Variants in POLG observed in about 807,000 individuals in gnomAD.
POLG encodes the protein DNA polymerase subunit gamma-1.
POLG carries 110 observed loss-of-function variants against 155.4 expected under a neutral mutation model. The ratio of observed to expected loss-of-function variants is 0.71; its 90% CI spans 0.61 to 0.83. The LOEUF is 0.83. POLG is among the 40% of genes least tolerant of loss of function. POLG has a pLI of 0.00. For missense variants in POLG, 1,685 were observed against 1,627.5 expected, an observed-to-expected ratio of 1.04 and a Z score of -0.61; for synonymous variants, 701 against 631.5, an observed-to-expected ratio of 1.11 and a Z score of -1.65.
Position 89,322,044 on chromosome 15 carries a change from C to A in POLG, c.2427-29G>T, listed in dbSNP as rs1359734664. On this transcript the variant is annotated intron_variant, in intron 14 of 22. Coordinates refer to ENST00000268124, the MANE Select transcript of POLG (RefSeq NM_002693.3). Reference sequence around the variant, plus strand: ...TGGGGACAGACAACGTGAGGCTCAGCACAGCCATGGGAAGCAGAATCTATC... The same window carrying A: ...TGGGGACAGACAACGTGAGGCTCAGAACAGCCATGGGAAGCAGAATCTATC... 8 of 1,611,160 alleles carry A rather than the reference C, an allele frequency of 5.0e-6. No individual in the cohort carries two copies. The African/African-American group carries it at 1.1e-4, about 22-fold the overall frequency.
Position 89,318,976 on chromosome 15 carries a change from G to C in POLG, c.3228C>G (p.Gly1076=), listed in dbSNP as rs777893046. The part of the protein sequence containing the change: ...TSDIPRTPVL[G]CCISRALEPS... ...GCTCCAGGGCTCGGCTGATGCAGCA[G>C]CCCAGCACCGGGGTACGTGGTATGT... Residue 1076 remains glycine, a synonymous_variant, in exon 20 of 23, where the codon GGC becomes GGG. Coordinates refer to ENST00000268124, the MANE Select transcript of POLG (RefSeq NM_002693.3). 6.2e-7 allele frequency: 1 copy of C among 1,614,142 alleles called. No homozygotes were observed. The highest frequency in any genetic ancestry group is 1.7e-5 in the Admixed American group (1 of 60,026).
chr15:89,333,336 C>G lies in POLG; in HGVS notation c.419G>C (p.Arg140Pro). ...LYGDNLDQHF[R>P]LLAQKQSLPY... is the part of the protein sequence containing the mutation. Reference sequence around the variant, plus strand: ...CAGGCTCTGCTTCTGGGCCAGGAGGCGGAAGTGCTGGTCCAGGTTGTCCCC... The same window carrying G: ...CAGGCTCTGCTTCTGGGCCAGGAGGGGGAAGTGCTGGTCCAGGTTGTCCCC... Residue 140 changes from arginine to proline, a missense_variant, in exon 2 of 23, where the codon CGC becomes CCC. Arg to Pro is a moderately radical substitution (Grantham distance 103). Around this residue, in one of 3 missense-constraint regions of POLG, gnomAD observed 1,210 missense variants for 1,167.1 expected, o/e 1.04. Coordinates refer to ENST00000268124, the MANE Select transcript of POLG (RefSeq NM_002693.3). 6.4e-7 allele frequency: 1 copy of G among 1,561,910 alleles called. No homozygotes were observed. The highest frequency in any genetic ancestry group is 1.2e-5 in the South Asian group (1 of 86,704).
At chr15:89,323,160 A>G (rs910874369) in intron 13 of POLG, among the ~76,000 whole-genome samples, 3 of 152,234 alleles carry the variant, frequency 2.0e-5, no homozygotes, top group Non-Finnish European at 4.4e-5. Context: ...CACGTACCAG[A>G]TGTCGTACCA....
Position 89,316,824 on chromosome 15 carries a change from T to C in POLG, c.3647A>G (p.Glu1216Gly), listed in dbSNP as rs2055282791. 10 of 1,612,918 alleles carry C rather than the reference T, an allele frequency of 6.2e-6. No homozygotes were observed. Among genetic ancestry groups the C allele is most frequent in the Non-Finnish European group, 8.5e-6 (10 of 1,179,006 alleles). Residue 1216 changes from glutamate (E) to glycine (G), a missense_variant, in exon 23 of 23, where the codon GAA (glutamate) becomes GGA (glycine). Glu to Gly is a moderately conservative substitution (Grantham distance 98). This residue lies in a region of POLG where 470 missense variants were observed against 439.9 expected (regional missense o/e 1.07). Coordinates refer to ENST00000268124, the MANE Select transcript of POLG (RefSeq NM_002693.3). ...MERRYGIPQG[E>G]ALDIYQIIEL... ...AATTATCTGGTAAATATCCAGCGCT[T>C]CACCTGAAAGATAGTGCAAATTGGT...
Position 89,333,813 on chromosome 15 carries a change from G to C in POLG, c.-59C>G. On this transcript the variant is annotated 5_prime_UTR_variant, in exon 2 of 23. Coordinates refer to ENST00000268124, the MANE Select transcript of POLG (RefSeq NM_002693.3). ...AACACCTGGCTTTGGGCTCCAGCTT[G>C]GCTTCTTTTACTGGCTGGAAGACGT... is the stretch of plus-strand genomic sequence containing the variant. The C allele has an allele frequency of 6.5e-7, 1 of 1,529,236 alleles. No homozygotes were observed. Among genetic ancestry groups the C allele is most frequent in the South Asian group, 1.2e-5 (1 of 83,910 alleles). The allele number at this position is 1,529,236 out of a possible 1,614,324, so 94.7% of individuals were successfully genotyped here. A position where few individuals can be genotyped will look rare whatever the true frequency, so the allele number is the denominator to read the frequency against.
intron 5 of POLG, 49 bp downstream of exon 5, chr15:89,328,636 T>A: frequency 6.2e-7 from 1 of 1,612,886 alleles, no homozygotes; most frequent in Non-Finnish European, 8.5e-7. Context: ...CAAGTGCAGC[T>A]AGGGGTGTGC....
At chr15:89,320,352 T>C (rs1224375197) in intron 18 of POLG, among the ~76,000 whole-genome samples, 3 of 152,148 alleles carry the variant, frequency 2.0e-5, no homozygotes, top group African/African-American at 7.2e-5. Flanking sequence ...GGTAATGCTT[T>C]CTCCAGTATC....
rs1567189847 is a variant in POLG, at chr15:89,325,219, TGAGAGAGTGAGTGAGA to T, written c.1949+215_1949+230del. ...GAGAGTGAGTGAGAGAGTGAGTGAG[TGAGAGAGTGAGTGAGA>T]GAGTGAGTGAGTGAGAGAGAGAGTG... is the stretch of plus-strand genomic sequence containing the variant. On this transcript the variant is annotated intron_variant, in intron 10 of 22. Coordinates refer to ENST00000268124, the MANE Select transcript of POLG (RefSeq NM_002693.3). Among the ~76,000 whole-genome samples, 37 of 40,256 alleles carry T rather than the reference TGAGAGAGTGAGTGAGA, an allele frequency of 9.2e-4. 6 individuals carry two copies. The highest frequency in any genetic ancestry group is 3.8e-3 in the African/African-American group (37 of 9,824). 26.4% of individuals were successfully genotyped at this position (40,256 alleles called of 152,430 possible).
At chr15:89,324,673 G>T (rs3176192) in intron 10 of POLG, among the ~76,000 whole-genome samples, 4,037 of 152,284 alleles carry the variant, frequency 0.027, 150 homozygotes, top group African/African-American at 0.088. Context: ...CTGGGCCACT[G>T]TAAGTTTCTC....
At chr15:89,328,417 C>T in intron 6 of POLG, 39 bp downstream of exon 6, 2 of 1,530,556 alleles carry the variant, frequency 1.3e-6, no homozygotes, top group Non-Finnish European at 9.0e-7. Context: ...ACCAGGAACA[C>T]ACTGACCCCC....
At chr15:89,317,759 C>CTTTT in intron 21 of POLG, 1 of 477,302 alleles carries the variant, frequency 2.1e-6, no homozygotes, top group Non-Finnish European at 3.8e-6. Flanking sequence ...ACTCAACATA[C>CTTTT]TTTTTTTTTT....
chr15:89,329,103 C>T lies in POLG; in HGVS notation c.863G>A (p.Arg288His), dbSNP rs796052902. 32 of 1,611,444 alleles carry T rather than the reference C, an allele frequency of 2.0e-5. No homozygotes were observed. The highest frequency in any genetic ancestry group is 2.3e-5 in the Non-Finnish European group (27 of 1,179,828). The change falls in exon 4 of 23, where the codon CGC (arginine) becomes CAC (histidine). Residue 288 changes from arginine (R) to histidine (H), a missense_variant. Physicochemically the swap from Arg to His is conservative, Grantham distance 29 (BLOSUM62 0). Transcript: ENST00000268124. ...IREQYLIQGS[R>H]MRFLDTMSMH... ...GCTCATGGTGTCCAGGAAACGCATG[C>T]GGGAACCCTGAGGAGGAGGAGGAGA...
intron 2 of POLG, among the ~76,000 whole-genome samples, chr15:89,330,711 T>G (rs1210897061): frequency 1.0e-4 from 15 of 147,816 alleles, no homozygotes; most frequent in Non-Finnish European, 2.1e-4. Flanking sequence ...GAACCCAAGG[T>G]GGAGATTTAA....
At chr15:89,318,347 CT>C (rs3176229) in intron 21 of POLG, among the ~76,000 whole-genome samples, 193 bp downstream of exon 21, 1 of 152,046 alleles carries the variant, frequency 6.6e-6, no homozygotes, top group Non-Finnish European at 1.5e-5. Context: ...CCCAATAACT[CT>C]TTTTTTACGA....
rs574349233 is a variant in POLG, at chr15:89,316,509, C to T, written c.*242G>A. The stretch of plus-strand genomic sequence containing the variant: ...CTTTGGGGCTTCTGCTTCATTTTTA[C>T]CCAACAAGCAACAATGCCCCTTGTC... On this transcript the variant is annotated 3_prime_UTR_variant, in exon 23 of 23. Coordinates refer to ENST00000268124, the MANE Select transcript of POLG (RefSeq NM_002693.3). 1.2e-4 allele frequency: 182 copies of T among 1,554,356 alleles called. 1 individual carries two copies. In the South Asian group the frequency reaches 1.9e-3, roughly 16 times the overall value.
chr15:89,324,848 C>CT (rs1729698271), intron 10 of POLG, among the ~76,000 whole-genome samples: 2 of 152,204 alleles, frequency 1.3e-5, no homozygotes, highest in South Asian at 2.1e-4. Flanking sequence ...TATACACACA[C>CT]TTTTTTAAAA....
Position 89,318,724 on chromosome 15 carries a change from A to G in POLG, c.3299T>C (p.Val1100Ala), listed in dbSNP as rs758737981. 1 of 1,614,126 alleles carries G rather than the reference A, an allele frequency of 6.2e-7. No individual in the cohort carries two copies. Among genetic ancestry groups the G allele is most frequent in the Non-Finnish European group, 8.5e-7 (1 of 1,180,002 alleles). Residue 1100 changes from valine to alanine, a missense_variant, in exon 21 of 23, where the codon GTG (valine) becomes GCG (alanine). Around this residue, in one of 3 missense-constraint regions of POLG, gnomAD observed 470 missense variants for 439.9 expected, o/e 1.07. Transcript: ENST00000268124. ...GTAGTCAACAGCAGAGCTCTGTACC[A>G]CCCAATTCACACGGCTGGTCATAAA... The part of the protein sequence containing the change: ...EEFMTSRVNW[V>A]VQSSAVDYLH...
chr15:89,328,061 T>G (rs972428522), intron 6 of POLG, among the ~76,000 whole-genome samples: 1 of 152,162 alleles, frequency 6.6e-6, no homozygotes, highest in Admixed American at 6.5e-5. Flanking sequence ...TACACCCAAA[T>G]TTTCCTCCCT....
Position 89,325,229 on chromosome 15 carries a change from AGTG to A in POLG, c.1949+218_1949+220del, listed in dbSNP as rs1567189890. 6.0e-4 allele frequency among the ~76,000 whole-genome samples: 63 copies of A among 105,128 alleles called. 14 individuals carry two copies. The highest frequency in any genetic ancestry group is 1.9e-3 in the African/African-American group (43 of 22,214). 69.0% of individuals were successfully genotyped at this position (105,128 alleles called of 152,430 possible). A position where few individuals can be genotyped will look rare whatever the true frequency, so the allele number is the denominator to read the frequency against. The stretch of plus-strand genomic sequence containing the variant: ...GAGAGAGTGAGTGAGTGAGAGAGTG[AGTG>A]AGAGAGTGAGTGAGTGAGAGAGAGA... On this transcript the variant is annotated intron_variant, in intron 10 of 22. Coordinates refer to ENST00000268124, the MANE Select transcript of POLG (RefSeq NM_002693.3).
Sources: allele counts gnomAD v4.1 joint callset (sites outside exome capture counted in the v4.1 genomes callset), GRCh38; gene constraint gnomAD v4.1.1; regional missense constraint gnomAD v4.1.1; transcripts MANE v1.5; gene names NCBI Gene and HGNC (gene_info 2026-07-23, HGNC 2026-07-21).